Variants in COX6B1 observed in about 807,000 individuals in gnomAD.
The protein encoded by COX6B1 is COX VIb-1.
A neutral mutation model predicts 14.0 loss-of-function variants in COX6B1; 2 were observed. That is an observed-to-expected ratio of 0.14 (90% confidence interval 0.06 to 0.45). COX6B1 has a LOEUF of 0.45. Among genes scored for constraint, COX6B1 ranks in the 20% least tolerant of loss-of-function variants. COX6B1 has a pLI of 0.98. For missense variants in COX6B1, 81 were observed against 114.2 expected, an observed-to-expected ratio of 0.71 and a Z score of 1.33; for synonymous variants, 30 against 39.7, an observed-to-expected ratio of 0.76 and a Z score of 0.92.
intron 1 of COX6B1, among the ~76,000 whole-genome samples, chr19:35,649,135 A>G (rs1599620175): frequency 1.3e-5 from 2 of 152,140 alleles, no homozygotes; most frequent in South Asian, 4.1e-4. Flanking sequence ...CTTCAGAGAC[A>G]TTATATTAAA....
At chr19:35,649,176 A>G (rs1436878396) in intron 1 of COX6B1, among the ~76,000 whole-genome samples, 1 of 152,162 alleles carries the variant, frequency 6.6e-6, no homozygotes, top group Non-Finnish European at 1.5e-5. Context: ...CAGAGTTGGT[A>G]GAATTCAAGG....
At chr19:35,652,013 AC>A (rs1193968948) in intron 2 of COX6B1, among the ~76,000 whole-genome samples, 1 of 147,052 alleles carries the variant, frequency 6.8e-6, no homozygotes. Flanking sequence ...CATTGCCCAC[AC>A]TCTCATCTCC....
At chr19:35,652,798 T>C (rs921370038) in intron 2 of COX6B1, among the ~76,000 whole-genome samples, 4 of 151,814 alleles carry the variant, frequency 2.6e-5, no homozygotes, top group African/African-American at 9.7e-5. Flanking sequence ...ATTTTATATA[T>C]GTTATGTTGT....
intron 1 of COX6B1, 130 bp from the exon 2 acceptor site, chr19:35,651,103 T>C: frequency 5.7e-6 from 4 of 704,004 alleles, no homozygotes; most frequent in Non-Finnish European, 5.2e-6. Flanking sequence ...TCTCTGTGTA[T>C]GTTGAGAGGC....
chr19:35,652,081 G>T (rs1057279133), intron 2 of COX6B1, among the ~76,000 whole-genome samples: 3 of 151,052 alleles, frequency 2.0e-5, no homozygotes, highest in African/African-American at 7.3e-5. Flanking sequence ...CCAGGCTGGA[G>T]TGCAATGGTG....
chr19:35,651,298 A>T lies in COX6B1; in HGVS notation c.55A>T (p.Ser19Cys), dbSNP rs1455124108. ...GAACTACAAGACCGCCCCTTTTGAC[A>T]GCCGCTTCCCCAACCAGAACCAGAC... is the stretch of plus-strand genomic sequence containing the variant. ...IKNYKTAPFD[S>C]RFPNQNQTRN... The change falls in exon 2 of 4, where the codon AGC becomes TGC. Residue 19 changes from serine to cysteine, a missense_variant. Coordinates refer to ENST00000649813, the MANE Select transcript of COX6B1 (RefSeq NM_001863.5). 6.2e-7 allele frequency: 1 copy of T among 1,614,096 alleles called. No homozygotes were observed. Among genetic ancestry groups the T allele is most frequent in the Non-Finnish European group, 8.5e-7 (1 of 1,179,992 alleles).
At chr19:35,651,873 G>T (rs1444481473) in intron 2 of COX6B1, among the ~76,000 whole-genome samples, 1 of 150,078 alleles carries the variant, frequency 6.7e-6, no homozygotes, top group African/African-American at 2.5e-5. Context: ...CCCCTACAAT[G>T]ATTTTTTTTT....
chr19:35,657,879 A>G (rs1041610741), intron 3 of COX6B1, among the ~76,000 whole-genome samples: 1 of 151,590 alleles, frequency 6.6e-6, no homozygotes, highest in Non-Finnish European at 1.5e-5. Flanking sequence ...CTGGTCTCAA[A>G]CTCCTGGGCT....
chr19:35,656,353 T>C (rs1447669324), intron 3 of COX6B1, among the ~76,000 whole-genome samples: 1 of 152,200 alleles, frequency 6.6e-6, no homozygotes, highest in African/African-American at 2.4e-5. Flanking sequence ...GAAAAGTAAG[T>C]TGCAGAACAA....
At chr19:35,656,430 G>A in intron 3 of COX6B1, among the ~76,000 whole-genome samples, 1 of 150,338 alleles carries the variant, frequency 6.7e-6, no homozygotes, top group Non-Finnish European at 1.5e-5. Flanking sequence ...TGTAAATAAA[G>A]TAGGCACATA....
chr19:35,649,737 C>T (rs1967803785), intron 1 of COX6B1, among the ~76,000 whole-genome samples: 1 of 152,064 alleles, frequency 6.6e-6, no homozygotes, highest in Non-Finnish European at 1.5e-5. Context: ...ACCTCGGCTT[C>T]CCAAAGTGCT....
chr19:35,654,930 A>G (rs1436107725), intron 3 of COX6B1, among the ~76,000 whole-genome samples: 1 of 151,526 alleles, frequency 6.6e-6, no homozygotes, highest in African/African-American at 2.4e-5. Context: ...CTCTCCAAAT[A>G]CACACTCAGC....
chr19:35,648,580 C>G, intron 1 of COX6B1, 177 bp downstream of exon 1: 1 of 336,338 alleles, frequency 3.0e-6, no homozygotes, highest in South Asian at 2.2e-5. Flanking sequence ...TCCTTGATGC[C>G]AGGCAACATC....
intron 2 of COX6B1, among the ~76,000 whole-genome samples, chr19:35,652,115 C>T (rs964341422): frequency 3.3e-5 from 5 of 150,872 alleles, no homozygotes; most frequent in African/African-American, 1.2e-4. Flanking sequence ...CTGCAACCTC[C>T]GCCTCCCAGG....
intron 2 of COX6B1, among the ~76,000 whole-genome samples, chr19:35,651,910 CAT>C (rs2146370360): frequency 6.6e-6 from 1 of 152,134 alleles, no homozygotes; most frequent in African/African-American, 2.4e-5. Context: ...CGTACTGTAA[CAT>C]GTACAGAAAG....
intron 1 of COX6B1, among the ~76,000 whole-genome samples, chr19:35,649,728 C>T (rs1259786024): frequency 1.3e-5 from 2 of 152,252 alleles, no homozygotes; most frequent in East Asian, 1.9e-4. Context: ...GATCCACCCA[C>T]CTCGGCTTCC....
chr19:35,655,647 C>T lies in COX6B1; in HGVS notation c.207+976C>T, dbSNP rs115653159. Among the ~76,000 whole-genome samples the T allele has an allele frequency of 4.2e-3, 633 of 151,680 alleles. 3 individuals carry two copies. The highest frequency in any genetic ancestry group is 0.015 in the African/African-American group (620 of 41,338). On this transcript the variant is annotated intron_variant, in intron 3 of 3. Coordinates refer to ENST00000649813, the MANE Select transcript of COX6B1 (RefSeq NM_001863.5). ...AAAAAAAAAAAAAAGTTTTTAAAGA[C>T]AAGGTCTCATGATGTTGCCCAGGCT...
At chr19:35,652,363 A>G (rs541010978) in intron 2 of COX6B1, among the ~76,000 whole-genome samples, 18 of 152,042 alleles carry the variant, frequency 1.2e-4, no homozygotes, top group African/African-American at 3.9e-4. Flanking sequence ...TCTGGAACAC[A>G]GCACCCCGCT....
At chr19:35,653,769 A>C (rs933537991) in intron 2 of COX6B1, among the ~76,000 whole-genome samples, 15 of 142,914 alleles carry the variant, frequency 1.0e-4, no homozygotes, top group Non-Finnish European at 2.3e-4. Context: ...TTTAGTAGAG[A>C]TGGGGTTTCA....
Sources: gnomAD v4.1 joint callset for allele counts (sites outside exome capture counted in the v4.1 genomes callset) on GRCh38, gnomAD v4.1.1 for gene constraint, MANE v1.5 for transcripts, NCBI Gene and HGNC (gene_info 2026-07-23, HGNC 2026-07-21) for gene names.